NEMF: variants seen among roughly 807,000 people sequenced by gnomAD.
NEMF encodes the protein nuclear export mediator factor.
NEMF carries 89 observed loss-of-function variants against 162.2 expected under a neutral mutation model. That is an observed-to-expected ratio of 0.55 (90% CI 0.46 to 0.65). The LOEUF (loss-of-function observed/expected upper bound fraction) is 0.65. Ranked by LOEUF, NEMF falls within the 30% of genes least tolerant of loss-of-function variation. The pLI, the probability that NEMF is intolerant of heterozygous loss-of-function variation, is 0.00. For synonymous variants in NEMF, 421 were observed against 404.5 expected (o/e 1.04, Z -0.49); for missense variants, 1,133 against 1,261.9 (o/e 0.90, Z 1.55).
rs140542904 is a variant in NEMF, at chr14:49,852,294, G to GCTCT, written c.59+397_59+400dup. Among the ~76,000 whole-genome samples the GCTCT allele has an allele frequency of 5.5e-4, 83 of 151,766 alleles. 1 individual carries two copies. In the East Asian group the frequency reaches 0.013, roughly 24 times the overall value. On this transcript the variant is annotated intron_variant, in intron 1 of 32. Transcript: ENST00000298310. ...TGCTCAATCCAGCTAAAACCGCGATGCTCTCTCTCTCTCTGGGGTGAGGGG... is the reference window on the plus strand; with the variant it reads ...TGCTCAATCCAGCTAAAACCGCGATGCTCTCTCTCTCTCTCTCTGGGGTGAGGGG...
intron 4 of NEMF, among the ~76,000 whole-genome samples, chr14:49,842,430 G>A (rs2140013134): frequency 6.6e-6 from 1 of 151,998 alleles, no homozygotes; most frequent in Non-Finnish European, 1.5e-5. Flanking sequence ...AAAAGAAGGG[G>A]GAACATAATG....
rs552972276 is a variant in NEMF at position 49,824,630 on chromosome 14, T to C, written c.1577+1237A>G. On this transcript the variant is annotated intron_variant, in intron 16 of 32. Transcript: ENST00000298310. ...TTTTTTTAAGAGACGGGGTTTGGCA[T>C]GTTGCACAGGCTAGTCTCGAACTCC... is the stretch of plus-strand genomic sequence containing the variant. 1.8e-3 allele frequency among the ~76,000 whole-genome samples: 279 copies of C among 151,444 alleles called. 1 individual carries two copies. The highest frequency in any genetic ancestry group is 2.8e-3 in the Non-Finnish European group (189 of 67,940).
Position 49,814,067 on chromosome 14 carries a change from T to C in NEMF, c.1682-17A>G. On this transcript the variant is annotated splice_polypyrimidine_tract_variant and intron_variant, in intron 17 of 32. Transcript: ENST00000298310. ...AAATGTCTCCTTAAATACAGACAAA[T>C]AAAAAATGACACTTTAAGTCCTAAT... The C allele has an allele frequency of 2.8e-6, 4 of 1,417,520 alleles. No homozygotes were observed. Among genetic ancestry groups the C allele is most frequent in the Non-Finnish European group, 4.0e-6 (4 of 1,009,758 alleles). 87.8% of individuals were successfully genotyped at this position (1,417,520 alleles called of 1,614,324 possible).
At chr14:49,826,600 T>C (rs1426111271) in intron 15 of NEMF, among the ~76,000 whole-genome samples, 1 of 146,898 alleles carries the variant, frequency 6.8e-6, no homozygotes, top group Admixed American at 6.8e-5. Context: ...GGGCATAATG[T>C]CAAGAAATGA....
chr14:49,819,882 A>G (rs1891911423), intron 16 of NEMF, among the ~76,000 whole-genome samples: 1 of 151,756 alleles, frequency 6.6e-6, no homozygotes, highest in African/African-American at 2.4e-5. Flanking sequence ...TGTGATACCC[A>G]TTAGCTAATT....
At chr14:49,827,983 A>C (rs1405109433) in intron 15 of NEMF, among the ~76,000 whole-genome samples, 1 of 152,174 alleles carries the variant, frequency 6.6e-6, no homozygotes, top group Non-Finnish European at 1.5e-5. Flanking sequence ...TTCTGGCTGT[A>C]CTTTAAAGAA....
intron 29 of NEMF, 44 bp from the exon 30 acceptor site, chr14:49,785,364 C>G (rs748915206): frequency 8.8e-6 from 12 of 1,364,700 alleles, no homozygotes; most frequent in Middle Eastern, 1.8e-4. Flanking sequence ...TTATACCGCC[C>G]TTTACAAAAA....
At chr14:49,795,711 C>T in intron 26 of NEMF, 80 bp downstream of exon 26, 2 of 1,364,414 alleles carry the variant, frequency 1.5e-6, no homozygotes, top group East Asian at 4.6e-5. Flanking sequence ...CCTACATTTT[C>T]TATTTCACTT....
intron 4 of NEMF, among the ~76,000 whole-genome samples, chr14:49,841,456 C>T (rs1893203116): frequency 6.6e-6 from 1 of 151,246 alleles, no homozygotes; most frequent in Non-Finnish European, 1.5e-5. Context: ...TGCCTGTAAT[C>T]CCAGCCACTT....
intron 8 of NEMF, 148 bp from the exon 9 acceptor site, chr14:49,832,425 G>A (rs573337144): frequency 1.8e-5 from 10 of 570,554 alleles, no homozygotes; most frequent in East Asian, 6.3e-5. Context: ...TCTGCCTCCC[G>A]GGTTCAAGCA....
intron 19 of NEMF, among the ~76,000 whole-genome samples, chr14:49,803,876 C>T (rs1249866757): frequency 6.6e-6 from 1 of 152,046 alleles, no homozygotes; most frequent in African/African-American, 2.4e-5. Flanking sequence ...TCATCTCTTC[C>T]AGCATGAGAT....
At chr14:49,796,064 T>C in intron 25 of NEMF, 120 bp from the exon 26 acceptor site, 1 of 687,230 alleles carries the variant, frequency 1.5e-6, no homozygotes. Flanking sequence ...TCTGCTTCAC[T>C]TGATAATCAC....
rs200102600 is a variant in NEMF at position 49,814,848 on chromosome 14, T to C, written c.1587A>G (p.Lys529=). 85 of 1,565,496 alleles carry C rather than the reference T, an allele frequency of 5.4e-5. No homozygotes were observed. The East Asian group carries it at 8.7e-4, about 16-fold the overall frequency. The change falls in exon 17 of 33, where the codon AAA becomes AAG. Residue 529 remains lysine, a synonymous_variant. Coordinates refer to ENST00000298310, the MANE Select transcript of NEMF (RefSeq NM_004713.6). ...QKARKVYWFE[K]FLWFISSENY... Reference sequence around the variant, plus strand: ...TCTCTGAGCTAATGAACCACAGAAATTTCTCAAACCTATCAAAATGAAAGA... The same window carrying C: ...TCTCTGAGCTAATGAACCACAGAAACTTCTCAAACCTATCAAAATGAAAGA...
chr14:49,786,566 T>C (rs1318853628), intron 29 of NEMF, 152 bp downstream of exon 29: 1 of 660,170 alleles, frequency 1.5e-6, no homozygotes, highest in Non-Finnish European at 2.7e-6. Context: ...CAGTTACATA[T>C]AGCAGAGTTG....
intron 6 of NEMF, 30 bp downstream of exon 6, chr14:49,838,109 C>G: frequency 1.3e-6 from 2 of 1,561,816 alleles, no homozygotes; most frequent in South Asian, 2.3e-5. Context: ...GCCTTGCAAA[C>G]ATTTCACTGC....
At chr14:49,832,490 C>A (rs1388381189) in intron 8 of NEMF, among the ~76,000 whole-genome samples, 1 of 151,994 alleles carries the variant, frequency 6.6e-6, no homozygotes, top group South Asian at 2.1e-4. Context: ...TGCCACCATA[C>A]CTGGCTAATT....
At position 49,782,393 on chromosome 14, in the gene NEMF, G is replaced by C; in HGVS notation, c.*2243C>G. 1 of 1,612,606 alleles carries C rather than the reference G, an allele frequency of 6.2e-7. No individual in the cohort carries two copies. ...AGGTTATGGCACACAGCTTGTGCCA[G>C]CGATGAAGGAGAAGTAATTGTTTTT... is the stretch of plus-strand genomic sequence containing the variant. On this transcript the variant is annotated 3_prime_UTR_variant, in exon 33 of 33. Transcript: ENST00000298310.
chr14:49,826,241 T>C (rs1281555983), intron 15 of NEMF, among the ~76,000 whole-genome samples: 1 of 152,136 alleles, frequency 6.6e-6, no homozygotes, highest in Non-Finnish European at 1.5e-5. Flanking sequence ...AGATACTGAG[T>C]ACCTATCATA....
chr14:49,852,676 G>A lies in NEMF; in HGVS notation c.59+19C>T. 1.2e-6 allele frequency: 2 copies of A among 1,613,916 alleles called. No homozygotes were observed. Among genetic ancestry groups the A allele is most frequent in the Middle Eastern group, 1.6e-4 (1 of 6,062 alleles). On this transcript the variant is annotated intron_variant, in intron 1 of 32. Transcript: ENST00000298310. ...CTCCTGCACTCCCCACACGAGCCTC[G>A]TCACTTAGGGTACTGTACCTAGCAT...
Sources: allele counts gnomAD v4.1 joint callset (sites outside exome capture counted in the v4.1 genomes callset), GRCh38; gene constraint gnomAD v4.1.1; transcripts MANE v1.5; gene names NCBI Gene and HGNC (gene_info 2026-07-23, HGNC 2026-07-21).